RPRD1A: variants seen among roughly 807,000 people sequenced by gnomAD.
RPRD1A encodes regulation of nuclear pre-mRNA domain containing 1A.
A neutral mutation model predicts 37.8 loss-of-function variants in RPRD1A; 9 were observed. The ratio of observed to expected loss-of-function variants is 0.24; its 90% confidence interval spans 0.14 to 0.42. The LOEUF is 0.42. Among genes scored for constraint, RPRD1A ranks in the 10% least tolerant of loss-of-function variants. The pLI, the probability that RPRD1A is intolerant of heterozygous loss-of-function variation, is 1.00. For missense variants in RPRD1A, 255 were observed against 371.0 expected (o/e 0.69, Z 2.57); for synonymous variants, 138 against 139.7 (o/e 0.99, Z 0.08).
chr18:36,030,899 T>C lies in RPRD1A; in HGVS notation c.395A>G (p.Asp132Gly). Residue 132 changes from aspartate to glycine, a missense_variant, in exon 4 of 7, where the codon GAT (aspartate) becomes GGT (glycine). Transcript: ENST00000399022. ...ATAAGTTCGCTTCCTAGGCTTCTTA[T>C]CACCATCTGAAATGAAAGAACATTT... is the stretch of plus-strand genomic sequence containing the variant. ...LEQLKQALYG[D>G]KKPRKRTYEQ... The C allele has an allele frequency of 6.2e-7, 1 of 1,610,498 alleles. No homozygotes were observed. The highest frequency in any genetic ancestry group is 1.1e-5 in the South Asian group (1 of 90,420).
rs1262753271 is a variant in RPRD1A, at chr18:36,013,610, G to T, written c.789+13290C>A. Among the ~76,000 whole-genome samples the T allele has an allele frequency of 6.6e-5, 10 of 152,094 alleles. 1 individual carries two copies. The highest frequency in any genetic ancestry group is 6.6e-4 in the Admixed American group (10 of 15,256). ...ATATTCAGTGAAGCTGTTGTCCACG[G>T]GTGAACAGGAAGGAGAGCCACTCTC... On this transcript the variant is annotated intron_variant, in intron 6 of 6. Coordinates refer to ENST00000399022, the MANE Select transcript of RPRD1A (RefSeq NM_018170.5).
At chr18:36,039,534 G>A (rs893424837) in intron 1 of RPRD1A, among the ~76,000 whole-genome samples, 3 of 152,196 alleles carry the variant, frequency 2.0e-5, no homozygotes, top group African/African-American at 7.2e-5. Flanking sequence ...GGATTAAAAT[G>A]TCATCTCTAG....
chr18:36,027,106 T>C (rs769885802), intron 5 of RPRD1A, 31 bp from the exon 6 acceptor site: 3 of 1,612,246 alleles, frequency 1.9e-6, no homozygotes, highest in African/African-American at 1.3e-5. Flanking sequence ...TAAAATATTA[T>C]ACAACAAAAA....
At chr18:36,011,563 T>C (rs1344211532) in intron 6 of RPRD1A, among the ~76,000 whole-genome samples, 2 of 152,038 alleles carry the variant, frequency 1.3e-5, no homozygotes, top group African/African-American at 2.4e-5. Context: ...AGCTAAAACA[T>C]TGATTCAGCA....
At chr18:36,049,451 G>A (rs1032178075) in intron 1 of RPRD1A, among the ~76,000 whole-genome samples, 2 of 152,124 alleles carry the variant, frequency 1.3e-5, no homozygotes, top group East Asian at 3.8e-4. Context: ...AAAAAACTTA[G>A]GGAGTTGGTG....
chr18:36,020,816 TAA>T (rs886570320), intron 6 of RPRD1A, among the ~76,000 whole-genome samples: 1 of 142,888 alleles, frequency 7.0e-6, no homozygotes. Context: ...CCTGTCTATT[TAA>T]AAAAAAAAAA....
chr18:36,038,297 T>G (rs752346491), intron 1 of RPRD1A, among the ~76,000 whole-genome samples: 1 of 152,202 alleles, frequency 6.6e-6, no homozygotes, highest in Non-Finnish European at 1.5e-5. Context: ...AATCTCAGGA[T>G]TTGGTGCCCT....
chr18:36,006,928 T>C (rs1370312422), intron 6 of RPRD1A, among the ~76,000 whole-genome samples: 2 of 152,200 alleles, frequency 1.3e-5, no homozygotes, highest in African/African-American at 2.4e-5. Flanking sequence ...ATCTGGCCTA[T>C]ATGACACCTG....
chr18:36,052,231 G>A (rs1913450370), intron 1 of RPRD1A, among the ~76,000 whole-genome samples: 1 of 147,200 alleles, frequency 6.8e-6, no homozygotes, highest in African/African-American at 2.5e-5. Context: ...GAGAAATTAA[G>A]ACATTTCAAG....
chr18:35,998,762 G>C lies in RPRD1A; in HGVS notation c.790-5462C>G, dbSNP rs182575795. Among the ~76,000 whole-genome samples, 61 of 152,268 alleles carry C rather than the reference G, an allele frequency of 4.0e-4. 1 individual carries two copies. Among genetic ancestry groups the C allele is most frequent in the African/African-American group, 1.4e-3 (60 of 41,550 alleles). ...CCCTGTTCTTAGCATCCTTACTCTA[G>C]GCTCCTAGCTGAAACTATCTCTGCG... On this transcript the variant is annotated intron_variant, in intron 6 of 6. Coordinates refer to ENST00000399022, the MANE Select transcript of RPRD1A (RefSeq NM_018170.5).
Position 36,041,642 on chromosome 18 carries a change from G to A in RPRD1A, c.152-7805C>T, listed in dbSNP as rs1782989725. The stretch of plus-strand genomic sequence containing the variant: ...ATCCTGAGAGTGTTTTTCTGAACCT[G>A]TTTCCAAAACCTATAGATTCTAACA... On this transcript the variant is annotated intron_variant, in intron 1 of 6. Transcript: ENST00000399022. Among the ~76,000 whole-genome samples the A allele has an allele frequency of 2.0e-5, 3 of 152,350 alleles. No individual in the cohort carries two copies. The South Asian group carries it at 6.2e-4, about 32-fold the overall frequency.
chr18:36,020,386 C>G (rs181019280), intron 6 of RPRD1A, among the ~76,000 whole-genome samples: 38 of 152,226 alleles, frequency 2.5e-4, no homozygotes, highest in Non-Finnish European at 3.7e-4. Context: ...GTTATCTAAC[C>G]AGCAAATCTG....
chr18:36,040,056 G>A (rs1034823154), intron 1 of RPRD1A, among the ~76,000 whole-genome samples: 1 of 152,090 alleles, frequency 6.6e-6, no homozygotes, highest in Non-Finnish European at 1.5e-5. Context: ...TATTTCCCTG[G>A]TAAAATGAAT....
chr18:36,019,737 A>G (rs555341391), intron 6 of RPRD1A, among the ~76,000 whole-genome samples: 249 of 152,266 alleles, frequency 1.6e-3, no homozygotes, highest in Non-Finnish European at 3.1e-3. Context: ...ACAGCATACC[A>G]ATGTCAAGAA....
Position 36,031,093 on chromosome 18 carries a change from T to C in RPRD1A, c.286A>G (p.Thr96Ala). The stretch of plus-strand genomic sequence containing the variant: ...AGGTGCTTCTTACAACTTTCATCAG[T>C]TTCACTAAAAAAAAAAAAAAAGAAA... ...VEAFKHVSSE[T>A]DESCKKHLGR... Residue 96 changes from threonine (T) to alanine (A), a missense_variant, in exon 3 of 7, where the codon ACT (threonine) becomes GCT (alanine). Thr to Ala is a moderately conservative substitution (Grantham distance 58). This residue lies in a region of RPRD1A where 211 missense variants were observed against 268.9 expected (regional missense o/e 0.78). Coordinates refer to ENST00000399022, the MANE Select transcript of RPRD1A (RefSeq NM_018170.5). 6 of 1,530,596 alleles carry C rather than the reference T, an allele frequency of 3.9e-6. No homozygotes were observed. Among genetic ancestry groups the C allele is most frequent in the Non-Finnish European group, 5.2e-6 (6 of 1,149,446 alleles). The allele number at this position is 1,530,596 out of a possible 1,614,324, so 94.8% of individuals were successfully genotyped here. A position where few individuals can be genotyped will look rare whatever the true frequency, so the allele number is the denominator to read the frequency against.
chr18:36,007,030 C>CT (rs966201231), intron 6 of RPRD1A, among the ~76,000 whole-genome samples: 1 of 152,016 alleles, frequency 6.6e-6, no homozygotes, highest in South Asian at 2.1e-4. Context: ...TTTCTTCTGT[C>CT]TTTTTTTTCT....
intron 1 of RPRD1A, 85 bp from the exon 2 acceptor site, chr18:36,033,922 G>T: frequency 8.6e-7 from 1 of 1,163,568 alleles, no homozygotes; most frequent in East Asian, 2.5e-5. Context: ...AGCATTTTGA[G>T]AACTAAAATA....
chr18:36,065,304 G>C (rs2089007108), intron 1 of RPRD1A, among the ~76,000 whole-genome samples: 1 of 152,142 alleles, frequency 6.6e-6, no homozygotes, highest in Non-Finnish European at 1.5e-5. Flanking sequence ...TTATTCGTCT[G>C]TACCTTGTTT....
intron 6 of RPRD1A, among the ~76,000 whole-genome samples, chr18:36,015,157 CATAT>C (rs1299148760): frequency 1.3e-3 from 115 of 91,898 alleles, no homozygotes; most frequent in African/African-American, 3.3e-3. Flanking sequence ...CACACACACA[CATAT>C]ATACACATAT....
Sources: gnomAD v4.1 joint callset for allele counts (sites outside exome capture counted in the v4.1 genomes callset) on GRCh38, gnomAD v4.1.1 for gene constraint, gnomAD v4.1.1 regional missense constraint, MANE v1.5 for transcripts, NCBI Gene and HGNC (gene_info 2026-07-23, HGNC 2026-07-21) for gene names.